PTPRC: variants seen among roughly 807,000 people sequenced by gnomAD.
The protein encoded by PTPRC is receptor-type tyrosine-protein phosphatase C.
Under a neutral mutation model 155.9 loss-of-function variants are expected in PTPRC, and 44 were observed. The observed-to-expected ratio is 0.28, with a 90% CI of 0.22 to 0.36. The LOEUF (loss-of-function observed/expected upper bound fraction) is 0.36. PTPRC is among the 10% of genes least tolerant of loss of function. The pLI is 1.00. For synonymous variants in PTPRC, 525 were observed against 533.1 expected (o/e 0.98, Z 0.21); for missense variants, 1,401 against 1,564.6 (o/e 0.90, Z 1.76).
intron 2 of PTPRC, among the ~76,000 whole-genome samples, chr1:198,659,975 T>C (rs1663852659): frequency 6.7e-6 from 1 of 148,610 alleles, no homozygotes; most frequent in African/African-American, 2.5e-5. Flanking sequence ...TATATATCTA[T>C]ATAAATAGAT....
intron 2 of PTPRC, among the ~76,000 whole-genome samples, chr1:198,677,687 G>C (rs1665037447): frequency 6.6e-6 from 1 of 152,028 alleles, no homozygotes; most frequent in African/African-American, 2.4e-5. Flanking sequence ...AAACAATACT[G>C]TGTGGATTCA....
chr1:198,665,229 A>G (rs1664220676), intron 2 of PTPRC, among the ~76,000 whole-genome samples: 1 of 151,076 alleles, frequency 6.6e-6, no homozygotes, highest in Admixed American at 6.6e-5. Context: ...AGGGGGGACT[A>G]CAGGCGCCCG....
chr1:198,707,608 C>A (rs1653057167), intron 9 of PTPRC, among the ~76,000 whole-genome samples: 2 of 151,986 alleles, frequency 1.3e-5, no homozygotes, highest in Admixed American at 1.3e-4. Flanking sequence ...AATATGTTAA[C>A]ATCAAATGTA....
chr1:198,646,536 G>C (rs1383636764), intron 2 of PTPRC, among the ~76,000 whole-genome samples: 2 of 151,630 alleles, frequency 1.3e-5, no homozygotes, highest in African/African-American at 4.8e-5. Flanking sequence ...TTTCATTTTT[G>C]TCAAACTTAA....
chr1:198,677,623 T>G (rs1020334782), intron 2 of PTPRC, among the ~76,000 whole-genome samples: 5 of 152,168 alleles, frequency 3.3e-5, no homozygotes, highest in African/African-American at 1.2e-4. Flanking sequence ...AGTAGGAAAC[T>G]ATTGCACTTA....
chr1:198,657,094 T>C (rs1663633404), intron 2 of PTPRC, among the ~76,000 whole-genome samples: 1 of 151,720 alleles, frequency 6.6e-6, no homozygotes, highest in African/African-American at 2.4e-5. Flanking sequence ...TATTCCTATG[T>C]AGATTAAATA....
At chr1:198,755,405 C>T (rs141161405) in intron 32 of PTPRC, among the ~76,000 whole-genome samples, 76 of 152,106 alleles carry the variant, frequency 5.0e-4, no homozygotes, top group African/African-American at 1.8e-3. Flanking sequence ...GTATCAAATG[C>T]TTGCTATGTG....
chr1:198,728,566 A>G (rs1654249245), intron 16 of PTPRC, 118 bp downstream of exon 16: 3 of 1,225,208 alleles, frequency 2.4e-6, no homozygotes, highest in Middle Eastern at 2.8e-4. Flanking sequence ...AGAAGACAGC[A>G]TACAGCCCAC....
Position 198,750,638 on chromosome 1 carries a change from T to C in PTPRC, c.3207+12T>C. Reference sequence around the variant, plus strand: ...AACATGGAGACCAGGTTTGTACTTTTGAGGATTTTCTTTTAAGCCTTTCTG... The same window carrying C: ...AACATGGAGACCAGGTTTGTACTTTCGAGGATTTTCTTTTAAGCCTTTCTG... On this transcript the variant is annotated intron_variant, in intron 29 of 32. Coordinates refer to ENST00000442510, the MANE Select transcript of PTPRC (RefSeq NM_002838.5). The C allele has an allele frequency of 6.2e-7, 1 of 1,612,208 alleles. No homozygotes were observed. The highest frequency in any genetic ancestry group is 8.5e-7 in the Non-Finnish European group (1 of 1,178,712).
At chr1:198,656,655 T>G (rs1428312940) in intron 2 of PTPRC, among the ~76,000 whole-genome samples, 1 of 24,926 alleles carries the variant, frequency 4.0e-5, no homozygotes, top group African/African-American at 2.4e-4. Flanking sequence ...TGTTTTTTGT[T>G]TTTTTTTTTT....
Position 198,671,466 on chromosome 1 carries a change from G to A in PTPRC, c.74-20881G>A, listed in dbSNP as rs541736189. On this transcript the variant is annotated intron_variant, in intron 2 of 32. Coordinates refer to ENST00000442510, the MANE Select transcript of PTPRC (RefSeq NM_002838.5). ...TATTCCCTTGTTACCTATTGGTGTT[G>A]GTATGTATTCCATTCTAGAACTTTG... 1.3e-5 allele frequency among the ~76,000 whole-genome samples: 2 copies of A among 152,204 alleles called. 1 individual carries two copies. The highest frequency in any genetic ancestry group is 4.8e-5 in the African/African-American group (2 of 41,508).
rs986785476 is a variant in PTPRC, at chr1:198,701,917, G to A, written c.440-470G>A. On this transcript the variant is annotated intron_variant, in intron 5 of 32. Transcript: ENST00000442510. ...TTAAAACTGAGCACCTGCACCCAGG[G>A]ATCCCTCCCCAGAGAGGTGTGTGCC... is the stretch of plus-strand genomic sequence containing the variant. 2.0e-5 allele frequency among the ~76,000 whole-genome samples: 3 copies of A among 152,302 alleles called. No homozygotes were observed. In the South Asian group the frequency reaches 6.2e-4, roughly 32 times the overall value.
intron 8 of PTPRC, among the ~76,000 whole-genome samples, chr1:198,704,898 G>T (rs1330570391): frequency 6.6e-6 from 1 of 151,986 alleles, no homozygotes; most frequent in Non-Finnish European, 1.5e-5. Flanking sequence ...GACAACTTTG[G>T]TAAAGCCACT....
chr1:198,657,096 G>T (rs1663633618), intron 2 of PTPRC, among the ~76,000 whole-genome samples: 1 of 150,622 alleles, frequency 6.6e-6, no homozygotes, highest in South Asian at 2.1e-4. Flanking sequence ...TTCCTATGTA[G>T]ATTAAATATT....
rs565663619 is a variant in PTPRC, at chr1:198,716,683, A to G, written c.1293A>G (p.Glu431=). The G allele has an allele frequency of 6.2e-7, 1 of 1,611,506 alleles. No homozygotes were observed. Among genetic ancestry groups the G allele is most frequent in the Admixed American group, 1.7e-5 (1 of 60,008 alleles). ...ATTTTTTTTCACATTTTTCCTCAGAAAAAGATTGCCTCAATCTGGATAAAA... is the reference window on the plus strand; with the variant it reads ...ATTTTTTTTCACATTTTTCCTCAGAGAAAGATTGCCTCAATCTGGATAAAA... ...NFTLCYIKET[E]KDCLNLDKNL... is the part of the protein sequence containing the mutation. Residue 431 remains glutamate, a splice_region_variant and synonymous_variant, in exon 13 of 33, where the codon GAA becomes GAG. Transcript: ENST00000442510.
chr1:198,750,734 C>T, intron 29 of PTPRC, 108 bp downstream of exon 29: 1 of 1,375,762 alleles, frequency 7.3e-7, no homozygotes, highest in Non-Finnish European at 1.0e-6. Context: ...TTTATCCCTC[C>T]ATCACATAAT....
intron 14 of PTPRC, among the ~76,000 whole-genome samples, chr1:198,720,846 T>C (rs892964371): frequency 7.2e-5 from 11 of 152,228 alleles, no homozygotes; most frequent in African/African-American, 2.7e-4. Flanking sequence ...CACATCATTG[T>C]GTATTATACT....
In PTPRC at chr1:198,750,534, C is replaced by T. The variant is rs1323207784; in HGVS notation, c.3115C>T (p.Leu1039=). 6 of 1,612,292 alleles carry T rather than the reference C, an allele frequency of 3.7e-6. No individual in the cohort carries two copies. Among genetic ancestry groups the T allele is most frequent in the Middle Eastern group, 1.7e-4 (1 of 6,052 alleles). Residue 1039 remains leucine, a synonymous_variant, in exon 29 of 33, where the codon CTG becomes TTG. Transcript: ENST00000442510. ...PEVMIAAQGP[L]KETIGDFWQM... ...AGTGATGATTGCTGCTCAGGGACCACTGAAGGAGACCATTGGTGACTTTTG... is the reference window on the plus strand; with the variant it reads ...AGTGATGATTGCTGCTCAGGGACCATTGAAGGAGACCATTGGTGACTTTTG...
At chr1:198,699,481 A>T in intron 4 of PTPRC, 83 bp from the exon 5 acceptor site, 1 of 1,505,062 alleles carries the variant, frequency 6.6e-7, no homozygotes, top group Non-Finnish European at 9.2e-7. Flanking sequence ...CTATAATCGC[A>T]ATTTGCTCCT....
Sources: allele counts gnomAD v4.1 joint callset (sites outside exome capture counted in the v4.1 genomes callset), GRCh38; gene constraint gnomAD v4.1.1; transcripts MANE v1.5; gene names NCBI Gene and HGNC (gene_info 2026-07-23, HGNC 2026-07-21).